The following AHRR variants were observed in gnomAD, a reference collection of about 807,000 sequenced individuals.
AHRR encodes the protein ahR repressor.
Under a neutral mutation model 44.0 loss-of-function variants are expected in AHRR, and 28 were observed. The ratio of observed to expected loss-of-function variants is 0.64; its 90% CI spans 0.47 to 0.87. The LOEUF (loss-of-function observed/expected upper bound fraction) is 0.87, where lower values mean the gene tolerates loss of function less well. AHRR is among the 40% of genes least tolerant of loss of function. The pLI is 0.00. For synonymous variants in AHRR, 434 were observed against 407.0 expected (o/e 1.07, Z -0.80); for missense variants, 990 against 953.9 (o/e 1.04, Z -0.50).
At chr5:390,928 G>C (rs1481097141) in intron 4 of AHRR, among the ~76,000 whole-genome samples, 1 of 152,128 alleles carries the variant, frequency 6.6e-6, no homozygotes, top group Non-Finnish European at 1.5e-5. Flanking sequence ...GTTGTTTCTC[G>C]GAAAGCCCCT....
intron 4 of AHRR, among the ~76,000 whole-genome samples, chr5:394,171 C>A (rs905259636): frequency 5.3e-5 from 8 of 152,186 alleles, no homozygotes; most frequent in African/African-American, 1.9e-4. Flanking sequence ...AGGAGGGAGG[C>A]CCTACAAGGA....
intron 4 of AHRR, among the ~76,000 whole-genome samples, chr5:403,548 AC>A (rs1735117295): frequency 6.6e-6 from 1 of 151,656 alleles, no homozygotes; most frequent in Admixed American, 6.6e-5. Flanking sequence ...CAGCAGGAGA[AC>A]TGCTTGAACC....
chr5:427,995 C>T lies in AHRR; in HGVS notation c.897C>T (p.Thr299=), dbSNP rs752948258. Residue 299 remains threonine, a synonymous_variant, in exon 8 of 11, where the codon ACC becomes ACT. Coordinates refer to ENST00000684583, the MANE Select transcript of AHRR (RefSeq NM_001377236.1). ...RAKPRADTAA[T]ADAKVKATTS... is the part of the protein sequence containing the mutation. ...AACCCAGAGCAGACACCGCAGCCAC[C>T]GCGGATGCAAAGTGAGTAAGACTCG... is the stretch of plus-strand genomic sequence containing the variant. 8 of 1,613,800 alleles carry T rather than the reference C, an allele frequency of 5.0e-6. No individual in the cohort carries two copies. Among genetic ancestry groups the T allele is most frequent in the South Asian group, 2.2e-5 (2 of 91,034 alleles).
At position 432,933 on chromosome 5, in the gene AHRR, C is replaced by T. The variant is rs1167146811; in HGVS notation, c.1098C>T (p.Pro366=). ...GTGGCCCTGACCTTGTCCTTGACCC[C>T]AAGGGGGGCTCAGGGTAAGTGGTGC... is the stretch of plus-strand genomic sequence containing the variant. ...LRGGPDLVLD[P]KGGSGDREEE... is the part of the protein sequence containing the mutation. Residue 366 remains proline, a synonymous_variant, in exon 10 of 11, where the codon CCC becomes CCT. Transcript: ENST00000684583. 1 of 1,607,780 alleles carries T rather than the reference C, an allele frequency of 6.2e-7. No homozygotes were observed. Among genetic ancestry groups the T allele is most frequent in the African/African-American group, 1.3e-5 (1 of 74,912 alleles).
intron 4 of AHRR, among the ~76,000 whole-genome samples, chr5:401,640 C>T (rs1735018541): frequency 6.6e-6 from 1 of 152,202 alleles, no homozygotes; most frequent in Non-Finnish European, 1.5e-5. Context: ...AGGTCAAGTG[C>T]TCCTGGCACC....
chr5:377,510 C>A (rs1288665161), intron 4 of AHRR, among the ~76,000 whole-genome samples: 1 of 152,226 alleles, frequency 6.6e-6, no homozygotes, highest in African/African-American at 2.4e-5. Flanking sequence ...CTGGGTGGGG[C>A]AGGAGGGCAC....
intron 1 of AHRR, among the ~76,000 whole-genome samples, chr5:341,890 A>C (rs141578107): frequency 0.023 from 3,576 of 152,194 alleles, 60 homozygotes; most frequent in Middle Eastern, 0.044. Context: ...ACAAAGTCTG[A>C]TATGTTTGCA....
In AHRR at chr5:367,590, G is replaced by A. The variant is rs117898847; in HGVS notation, c.245-9020G>A. Among the ~76,000 whole-genome samples the A allele has an allele frequency of 2.8e-3, 427 of 152,302 alleles. 7 individuals carry two copies. In the East Asian group the frequency reaches 0.06, roughly 21 times the overall value. ...ATGCCACGTGGGCCTTGCTGGGGGC[G>A]GCATCCGAGGCTCAGCACACCTGTA... On this transcript the variant is annotated intron_variant, in intron 3 of 10. Transcript: ENST00000684583.
intron 7 of AHRR, among the ~76,000 whole-genome samples, chr5:425,579 ATGT>A (rs1457288775): frequency 6.6e-6 from 1 of 152,190 alleles, no homozygotes; most frequent in East Asian, 1.9e-4. Context: ...TGGCTAAGGA[ATGT>A]TGTTCGTTTT....
intron 8 of AHRR, among the ~76,000 whole-genome samples, chr5:428,227 C>T (rs1289924770): frequency 2.0e-5 from 3 of 152,240 alleles, no homozygotes; most frequent in South Asian, 2.1e-4. Flanking sequence ...TTGCCTGTAT[C>T]GATTCATTCC....
In AHRR at chr5:353,746, G is replaced by T. The variant is rs769607059; in HGVS notation, c.79G>T (p.Ala27Ser). Reference protein sequence around the residue: ...PLQKQRPAVGAEKSNPSKRHR... With the variant: ...PLQKQRPAVGSEKSNPSKRHR... ...TCCCCACAGGAGGCCCGCCGTGGGG[G>T]CAGAGAAGTCCAACCCCTCCAAGCG... The change falls in exon 3 of 11, where the codon GCA becomes TCA. Residue 27 changes from alanine to serine, a missense_variant. By Grantham distance (99) the Ala-to-Ser change is moderately conservative. Transcript: ENST00000684583. 1.4e-5 allele frequency: 22 copies of T among 1,611,198 alleles called. No homozygotes were observed. Among genetic ancestry groups the T allele is most frequent in the South Asian group, 2.2e-5 (2 of 90,974 alleles).
intron 3 of AHRR, among the ~76,000 whole-genome samples, chr5:356,537 G>A (rs1743054816): frequency 9.4e-6 from 1 of 105,844 alleles, no homozygotes; most frequent in Non-Finnish European, 2.0e-5. Context: ...AAGAGCGCCC[G>A]GGAGTGGAGG....
In AHRR at chr5:434,936, A is replaced by G; in HGVS notation, c.*102A>G. On this transcript the variant is annotated 3_prime_UTR_variant, in exon 11 of 11. Transcript: ENST00000684583. ...GTCAGGCCGGAGCCCGTCCTAAGAC[A>G]CACGCTTTGCAGAGCTGTGCATGCG... The G allele has an allele frequency of 7.0e-7, 1 of 1,436,882 alleles. No homozygotes were observed. The highest frequency in any genetic ancestry group is 9.2e-7 in the Non-Finnish European group (1 of 1,081,438). 89.0% of individuals were successfully genotyped at this position (1,436,882 alleles called of 1,614,324 possible).
At chr5:403,768 T>C (rs1456981211) in intron 4 of AHRR, 9 of 1,498,940 alleles carry the variant, frequency 6.0e-6, no homozygotes, top group Non-Finnish European at 8.3e-6. Context: ...ATCATTTCCA[T>C]GGTCTTTGTT....
At chr5:397,346 C>T (rs1301976812) in intron 4 of AHRR, among the ~76,000 whole-genome samples, 1 of 136,812 alleles carries the variant, frequency 7.3e-6, no homozygotes. Context: ...TAGCCCCTGA[C>T]CATCCATGTT....
intron 8 of AHRR, among the ~76,000 whole-genome samples, chr5:430,561 C>T (rs981635605): frequency 2.0e-5 from 3 of 152,242 alleles, no homozygotes; most frequent in Admixed American, 6.5e-5. Context: ...GCCACCTTGC[C>T]GGCACTCACG....
At position 395,425 on chromosome 5, in the gene AHRR, C is replaced by T. The variant is rs1734657515; in HGVS notation, c.352-17919C>T. 6.6e-6 allele frequency among the ~76,000 whole-genome samples: 1 copy of T among 152,196 alleles called. No homozygotes were observed. Among genetic ancestry groups the T allele is most frequent in the Admixed American group, 6.5e-5 (1 of 15,282 alleles). On this transcript the variant is annotated intron_variant, in intron 4 of 10. Coordinates refer to ENST00000684583, the MANE Select transcript of AHRR (RefSeq NM_001377236.1). This position sits in a 1 kb window ranked among gnomAD's most constrained non-coding sequence, Gnocchi z 5.3. Reference sequence around the variant, plus strand: ...GGGCAGCTGACTCACCAGCCCAGAGCAGGGGAATCTCACCAGTTCCCTGAA... The same window carrying T: ...GGGCAGCTGACTCACCAGCCCAGAGTAGGGGAATCTCACCAGTTCCCTGAA...
intron 3 of AHRR, among the ~76,000 whole-genome samples, chr5:356,310 T>C (rs1379078689): frequency 6.6e-6 from 1 of 152,156 alleles, no homozygotes; most frequent in East Asian, 1.9e-4. Context: ...GGCTGAACCC[T>C]GGTCACAGCC....
chr5:346,487 G>T (rs186758754), intron 2 of AHRR, among the ~76,000 whole-genome samples: 1 of 152,354 alleles, frequency 6.6e-6, no homozygotes, highest in African/African-American at 2.4e-5. Context: ...TGCATTTGCA[G>T]CTGTGTGACA....
Sources: gnomAD v4.1 joint callset for allele counts (sites outside exome capture counted in the v4.1 genomes callset) on GRCh38, gnomAD v4.1.1 for gene constraint, Gnocchi (gnomAD v3.1) non-coding constraint, MANE v1.5 for transcripts, NCBI Gene and HGNC (gene_info 2026-07-23, HGNC 2026-07-21) for gene names.